Variants in KCNC2 observed in about 807,000 individuals in gnomAD.
KCNC2 encodes the protein potassium voltage-gated channel subfamily C member 2.
A neutral mutation model predicts 44.5 loss-of-function variants in KCNC2; 21 were observed. The ratio of observed to expected loss-of-function variants is 0.47; its 90% CI spans 0.33 to 0.68. The LOEUF is 0.68. KCNC2 is among the 30% of genes least tolerant of loss of function. The pLI is 0.01. For synonymous variants in KCNC2, 391 were observed against 339.1 expected, an observed-to-expected ratio of 1.15 and a Z score of -1.68; for missense variants, 589 against 826.2, an observed-to-expected ratio of 0.71 and a Z score of 3.52.
At chr12:75,104,393 AATTTAAT>A (rs1382232605) in intron 2 of KCNC2, among the ~76,000 whole-genome samples, 1 of 152,162 alleles carries the variant, frequency 6.6e-6, no homozygotes, top group Admixed American at 6.5e-5. Flanking sequence ...TGGAATTTTC[AATTTAAT>A]ATTTTCAGGC....
intron 3 of KCNC2, among the ~76,000 whole-genome samples, chr12:75,049,050 A>G (rs1565807750): frequency 6.6e-6 from 1 of 152,108 alleles, no homozygotes. Context: ...ATACTTGAGA[A>G]TAGTTTGATG....
intron 2 of KCNC2, among the ~76,000 whole-genome samples, chr12:75,080,187 T>G (rs991015674): frequency 1.3e-5 from 2 of 152,156 alleles, no homozygotes; most frequent in African/African-American, 4.8e-5. Flanking sequence ...TACTAAGAAT[T>G]TCATTGGAAA....
At chr12:75,057,551 T>C (rs1389001888) in intron 2 of KCNC2, among the ~76,000 whole-genome samples, 1 of 152,002 alleles carries the variant, frequency 6.6e-6, no homozygotes, top group Non-Finnish European at 1.5e-5. Context: ...TGAAGAAAGC[T>C]GGCATTTCAA....
intron 2 of KCNC2, among the ~76,000 whole-genome samples, chr12:75,113,160 C>A (rs1887380537): frequency 6.6e-6 from 1 of 152,108 alleles, no homozygotes; most frequent in African/African-American, 2.4e-5. Context: ...TATCTGCCAA[C>A]ATTTGAACAT....
chr12:75,057,080 TTAATTTTA>T (rs1474674699), intron 2 of KCNC2, among the ~76,000 whole-genome samples: 1 of 152,020 alleles, frequency 6.6e-6, no homozygotes, highest in African/African-American at 2.4e-5. Flanking sequence ...TATTCTAGGT[TTAATTTTA>T]AAACAAAATT....
chr12:75,098,727 C>A (rs1474621002), intron 2 of KCNC2, among the ~76,000 whole-genome samples: 1 of 151,408 alleles, frequency 6.6e-6, no homozygotes, highest in African/African-American at 2.4e-5. Context: ...CCACTGCACT[C>A]CAGCCTGGTG....
At chr12:75,103,055 A>G (rs1361941052) in intron 2 of KCNC2, among the ~76,000 whole-genome samples, 1 of 152,124 alleles carries the variant, frequency 6.6e-6, no homozygotes, top group Admixed American at 6.6e-5. Context: ...AAGAGTAGAT[A>G]TTTGGAATGA....
intron 2 of KCNC2, among the ~76,000 whole-genome samples, chr12:75,086,518 GT>G (rs1257549276): frequency 6.6e-6 from 1 of 151,742 alleles, no homozygotes; most frequent in Non-Finnish European, 1.5e-5. Context: ...TAAGTCAGAT[GT>G]TTCTAATTTG....
Position 75,132,614 on chromosome 12 carries a change from G to C in KCNC2, c.687+74683C>G, listed in dbSNP as rs907996864. 2.6e-5 allele frequency among the ~76,000 whole-genome samples: 4 copies of C among 152,090 alleles called. No individual in the cohort carries two copies. The South Asian group carries it at 6.2e-4, about 24-fold the overall frequency. The stretch of plus-strand genomic sequence containing the variant: ...ATTGCAACTTTTGAGAAGAAACCTT[G>C]GTTGTAGTCATAGCTCCTTCTTTGG... On this transcript the variant is annotated intron_variant, in intron 2 of 4. Coordinates refer to ENST00000549446, the MANE Select transcript of KCNC2 (RefSeq NM_139137.4).
At chr12:75,119,370 C>CTG (rs10676243) in intron 2 of KCNC2, among the ~76,000 whole-genome samples, 95,162 of 151,866 alleles carry the variant, frequency 0.63, 32,328 homozygotes, top group African/African-American at 0.9. Context: ...TGGATATTTT[C>CTG]TCTCTAGTAG....
At chr12:75,064,747 C>T (rs538333786) in intron 2 of KCNC2, among the ~76,000 whole-genome samples, 1 of 152,094 alleles carries the variant, frequency 6.6e-6, no homozygotes, top group African/African-American at 2.4e-5. Flanking sequence ...CATGTCCAAG[C>T]TTATTTCTTA....
chr12:75,086,776 G>A (rs1281048753), intron 2 of KCNC2, among the ~76,000 whole-genome samples: 1 of 150,012 alleles, frequency 6.7e-6, no homozygotes, highest in Non-Finnish European at 1.5e-5. Flanking sequence ...GTGAACATTT[G>A]AAATTTCTGA....
In KCNC2 at chr12:75,209,355, A is replaced by C. The variant is rs1320792196; in HGVS notation, c.-168T>G. The C allele has an allele frequency of 6.6e-6, 1 of 152,226 alleles. No homozygotes were observed. Among genetic ancestry groups the C allele is most frequent in the East Asian group, 1.9e-4 (1 of 5,154 alleles). The allele number at this position is 152,226 out of a possible 1,614,324, so 9.4% of individuals were successfully genotyped here. A position where few individuals can be genotyped will look rare whatever the true frequency, so the allele number is the denominator to read the frequency against. ...GGCGTTTTCCGGATTCAGGTGGTTG[A>C]GCCGCTTCCCTGGGCGCTGGGGTGG... is the stretch of plus-strand genomic sequence containing the variant. On this transcript the variant is annotated 5_prime_UTR_variant, in exon 1 of 5. Coordinates refer to ENST00000549446, the MANE Select transcript of KCNC2 (RefSeq NM_139137.4).
chr12:75,050,079 G>T (rs1435021150), intron 3 of KCNC2, among the ~76,000 whole-genome samples: 1 of 151,952 alleles, frequency 6.6e-6, no homozygotes, highest in Non-Finnish European at 1.5e-5. Context: ...ATCACATCGT[G>T]CAGGGAAACA....
intron 2 of KCNC2, among the ~76,000 whole-genome samples, chr12:75,109,555 C>T (rs1161667950): frequency 2.0e-5 from 3 of 152,178 alleles, no homozygotes; most frequent in Non-Finnish European, 2.9e-5. Context: ...GCTTGCGCTG[C>T]ACCCCAGAAG....
In KCNC2 at chr12:75,180,351, C is replaced by A. The variant is rs552800047; in HGVS notation, c.687+26946G>T. Among the ~76,000 whole-genome samples, 3 of 151,670 alleles carry A rather than the reference C, an allele frequency of 2.0e-5. No individual in the cohort carries two copies. In the South Asian group the frequency reaches 6.2e-4, roughly 32 times the overall value. On this transcript the variant is annotated intron_variant, in intron 2 of 4. Transcript: ENST00000549446. ...ACCATTAGTTTCTAAATATATGAAG[C>A]CTCCTATTAGATTTGTGTAAAAAGT...
chr12:75,147,061 G>A (rs1312890566), intron 2 of KCNC2, among the ~76,000 whole-genome samples: 1 of 152,108 alleles, frequency 6.6e-6, no homozygotes, highest in Non-Finnish European at 1.5e-5. Context: ...CAATAAGAGA[G>A]TTTAGCAAGT....
chr12:75,161,055 C>T (rs1465041186), intron 2 of KCNC2, among the ~76,000 whole-genome samples: 2 of 143,722 alleles, frequency 1.4e-5, no homozygotes, highest in African/African-American at 5.3e-5. Context: ...TGTAAACCTA[C>T]ATATTTGGTT....
intron 2 of KCNC2, among the ~76,000 whole-genome samples, chr12:75,172,565 A>G (rs889615877): frequency 1.3e-5 from 2 of 151,786 alleles, no homozygotes; most frequent in Non-Finnish European, 2.9e-5. Flanking sequence ...GCTTTAGTCT[A>G]TTTCTAAATC....
Sources: gnomAD v4.1 joint callset for allele counts (sites outside exome capture counted in the v4.1 genomes callset) on GRCh38, gnomAD v4.1.1 for gene constraint, MANE v1.5 for transcripts, NCBI Gene and HGNC (gene_info 2026-07-23, HGNC 2026-07-21) for gene names.